Variants in DNAJC1 observed in about 807,000 individuals in gnomAD.
The protein encoded by DNAJC1 is DnaJ heat shock protein family (Hsp40) member C1.
Under a neutral mutation model 76.6 loss-of-function variants are expected in DNAJC1, and 58 were observed. That is an observed-to-expected ratio of 0.76 (90% CI 0.61 to 0.94). DNAJC1 has a LOEUF of 0.94. DNAJC1 is among the 40% of genes least tolerant of loss of function. DNAJC1 has a pLI of 0.00. For synonymous variants in DNAJC1, 258 were observed against 267.9 expected, an observed-to-expected ratio of 0.96 and a Z score of 0.36; for missense variants, 689 against 677.3, an observed-to-expected ratio of 1.02 and a Z score of -0.19.
chr10:21,959,317 G>A (rs142744871), intron 1 of DNAJC1, among the ~76,000 whole-genome samples: 1,543 of 151,436 alleles, frequency 0.01, 25 homozygotes, highest in African/African-American at 0.035. Context: ...TAATAGAGAC[G>A]GGGTTTCACC....
At position 21,914,382 on chromosome 10, in the gene DNAJC1, T is replaced by C. The variant is rs565344228; in HGVS notation, c.729+4397A>G. On this transcript the variant is annotated intron_variant, in intron 6 of 11. Coordinates refer to ENST00000376980, the MANE Select transcript of DNAJC1 (RefSeq NM_022365.4). ...GAAGCAAGGGGAACTATCAAAGAGA[T>C]ACTTTTACCTCTATCTTGCCTAATC... Among the ~76,000 whole-genome samples, 16 of 152,314 alleles carry C rather than the reference T, an allele frequency of 1.1e-4. No individual in the cohort carries two copies. In the South Asian group the frequency reaches 3.3e-3, roughly 32 times the overall value.
chr10:21,822,229 A>T (rs571038753), intron 8 of DNAJC1, among the ~76,000 whole-genome samples: 3 of 152,134 alleles, frequency 2.0e-5, no homozygotes, highest in Non-Finnish European at 4.4e-5. Flanking sequence ...ACTTGAGGTC[A>T]GGAGTTCGCG....
At chr10:21,782,906 TAGTA>T (rs1380263830) in intron 9 of DNAJC1, among the ~76,000 whole-genome samples, 1 of 152,190 alleles carries the variant, frequency 6.6e-6, no homozygotes, top group Non-Finnish European at 1.5e-5. Context: ...TATGTCAAAA[TAGTA>T]AGAGCTATTT....
At chr10:21,777,881 A>G (rs1233645387) in intron 9 of DNAJC1, among the ~76,000 whole-genome samples, 1 of 152,188 alleles carries the variant, frequency 6.6e-6, no homozygotes, top group Admixed American at 6.5e-5. Flanking sequence ...TTCATCCCCA[A>G]CTACCTTGTA....
chr10:21,863,194 GA>G (rs1835945136), intron 8 of DNAJC1, among the ~76,000 whole-genome samples: 1 of 151,768 alleles, frequency 6.6e-6, no homozygotes, highest in South Asian at 2.1e-4. Flanking sequence ...TGTAAGAGCA[GA>G]AATCAATGAC....
intron 1 of DNAJC1, among the ~76,000 whole-genome samples, chr10:21,937,257 C>A (rs1214411370): frequency 6.6e-6 from 1 of 151,718 alleles, no homozygotes; most frequent in Non-Finnish European, 1.5e-5. Flanking sequence ...ACAAATAGAT[C>A]AAAAGTGAAT....
At chr10:21,950,389 T>C (rs1277146529) in intron 1 of DNAJC1, among the ~76,000 whole-genome samples, 1 of 152,168 alleles carries the variant, frequency 6.6e-6, no homozygotes, top group Non-Finnish European at 1.5e-5. Context: ...GTAAATTTAA[T>C]CAATAAATGT....
Position 21,925,798 on chromosome 10 carries a change from G to A in DNAJC1, c.371+2708C>T, listed in dbSNP as rs746621881. ...GCTGGAGATCAGGGTGAGGAACTAC[G>A]GCAAATGGGCTAAAGCTTTTTTGAA... On this transcript the variant is annotated intron_variant, in intron 3 of 11. Transcript: ENST00000376980. Among the ~76,000 whole-genome samples, 50 of 152,156 alleles carry A rather than the reference G, an allele frequency of 3.3e-4. 1 individual carries two copies. The highest frequency in any genetic ancestry group is 2.4e-5 in the African/African-American group (1 of 41,434).
chr10:21,995,634 C>A (rs1457790665), intron 1 of DNAJC1, among the ~76,000 whole-genome samples: 1 of 152,200 alleles, frequency 6.6e-6, no homozygotes, highest in Non-Finnish European at 1.5e-5. Flanking sequence ...TTAATGCCTA[C>A]TGCCTCAGTA....
intron 1 of DNAJC1, among the ~76,000 whole-genome samples, chr10:21,936,678 A>T (rs57962092): frequency 1.3e-5 from 2 of 152,198 alleles, no homozygotes; most frequent in Non-Finnish European, 2.9e-5. Flanking sequence ...CTAGCAAAAT[A>T]TTTTTATGTG....
intron 1 of DNAJC1, among the ~76,000 whole-genome samples, chr10:21,963,194 G>C (rs1198678369): frequency 6.6e-6 from 1 of 152,196 alleles, no homozygotes; most frequent in African/African-American, 2.4e-5. Flanking sequence ...ATATGCATAT[G>C]TCTCACTAAC....
intron 8 of DNAJC1, among the ~76,000 whole-genome samples, chr10:21,831,719 G>A (rs973851432): frequency 6.6e-6 from 1 of 151,568 alleles, no homozygotes; most frequent in Admixed American, 6.6e-5. Context: ...GAACCTAGGA[G>A]GTGGAGCTTG....
At chr10:21,871,358 A>G (rs1461636819) in intron 8 of DNAJC1, among the ~76,000 whole-genome samples, 1 of 150,534 alleles carries the variant, frequency 6.6e-6, no homozygotes, top group South Asian at 2.1e-4. Context: ...AAAAAAAAAA[A>G]GGTTAAGGCA....
At chr10:21,793,494 C>T (rs1026615460) in intron 9 of DNAJC1, among the ~76,000 whole-genome samples, 6 of 152,158 alleles carry the variant, frequency 3.9e-5, no homozygotes, top group Admixed American at 3.9e-4. Context: ...AATAAATGGA[C>T]TGAAGGCATC....
At chr10:21,890,648 T>C (rs1197401014) in intron 7 of DNAJC1, among the ~76,000 whole-genome samples, 1 of 152,142 alleles carries the variant, frequency 6.6e-6, no homozygotes, top group African/African-American at 2.4e-5. Flanking sequence ...GTTCCTCATC[T>C]GTTAAACAGA....
chr10:21,957,688 T>A (rs962519124), intron 1 of DNAJC1, among the ~76,000 whole-genome samples: 1 of 152,222 alleles, frequency 6.6e-6, no homozygotes, highest in African/African-American at 2.4e-5. Flanking sequence ...AGTCTCTTTA[T>A]ACTTTGCTTT....
At chr10:21,803,146 A>G (rs1834832524) in intron 9 of DNAJC1, among the ~76,000 whole-genome samples, 1 of 152,088 alleles carries the variant, frequency 6.6e-6, no homozygotes, top group African/African-American at 2.4e-5. Flanking sequence ...TTTAACTGTA[A>G]TCCGACAACC....
At chr10:21,830,383 G>A (rs147751298) in intron 8 of DNAJC1, among the ~76,000 whole-genome samples, 2 of 152,174 alleles carry the variant, frequency 1.3e-5, no homozygotes, top group African/African-American at 4.8e-5. Flanking sequence ...ATGCTAAGTT[G>A]ACAATGATTT....
chr10:21,837,086 T>C (rs1000100379), intron 8 of DNAJC1, among the ~76,000 whole-genome samples: 2 of 152,200 alleles, frequency 1.3e-5, no homozygotes, highest in Non-Finnish European at 2.9e-5. Context: ...GGTATTCGTA[T>C]TTTTTTGGTG....
Sources: gnomAD v4.1 joint callset for allele counts (sites outside exome capture counted in the v4.1 genomes callset) on GRCh38, gnomAD v4.1.1 for gene constraint, MANE v1.5 for transcripts, NCBI Gene and HGNC (gene_info 2026-07-23, HGNC 2026-07-21) for gene names.